CMC1: variants seen among roughly 807,000 people sequenced by gnomAD.
The protein encoded by CMC1 is C-X9-C motif containing 1.
A neutral mutation model predicts 14.1 loss-of-function variants in CMC1; 14 were observed. That is an observed-to-expected ratio of 0.99 (90% CI 0.66 to 1.55). CMC1 has a LOEUF of 1.55. CMC1 is among the 40% of genes most tolerant of loss of function. CMC1 has a pLI of 0.00. For synonymous variants in CMC1, 50 were observed against 38.4 expected (o/e 1.30, Z -1.12); for missense variants, 127 against 123.8 (o/e 1.03, Z -0.12).
chr3:28,305,262 C>T (rs944799806), intron 2 of CMC1, among the ~76,000 whole-genome samples: 65 of 152,098 alleles, frequency 4.3e-4, no homozygotes, highest in African/African-American at 1.4e-3. Flanking sequence ...GATGTGTTTT[C>T]GTTTTTATGG....
intron 2 of CMC1, among the ~76,000 whole-genome samples, chr3:28,280,525 C>T (rs1164731243): frequency 6.6e-6 from 1 of 152,102 alleles, no homozygotes; most frequent in African/African-American, 2.4e-5. Context: ...GGTATTTACA[C>T]TGCTGGCCAG....
At position 28,306,967 on chromosome 3, in the gene CMC1, CACCAATG is replaced by C. The variant is rs1702350149; in HGVS notation, c.110-9363_110-9357del. 2.0e-5 allele frequency among the ~76,000 whole-genome samples: 3 copies of C among 152,134 alleles called. No homozygotes were observed. In the South Asian group the frequency reaches 6.2e-4, roughly 31 times the overall value. ...AGCCAAAATGAAATATTTTTAAAAA[CACCAATG>C]ACTCATAATTTTGTTGAAGTTAAGA... On this transcript the variant is annotated intron_variant, in intron 2 of 3. Coordinates refer to ENST00000466830, the MANE Select transcript of CMC1 (RefSeq NM_182523.2).
At chr3:28,276,875 G>C (rs1430827956) in intron 2 of CMC1, among the ~76,000 whole-genome samples, 1 of 152,212 alleles carries the variant, frequency 6.6e-6, no homozygotes, top group Non-Finnish European at 1.5e-5. Flanking sequence ...GTTTTTGAGG[G>C]TCTGGGGACA....
At chr3:28,285,368 G>C (rs62252071) in intron 2 of CMC1, among the ~76,000 whole-genome samples, 77,205 of 151,684 alleles carry the variant, frequency 0.51, 20,036 homozygotes, top group Admixed American at 0.55. Context: ...ATTGTAGTAT[G>C]AGATAAAGAG....
chr3:28,282,390 T>C (rs1700945864), intron 2 of CMC1, among the ~76,000 whole-genome samples: 1 of 152,248 alleles, frequency 6.6e-6, no homozygotes, highest in Admixed American at 6.5e-5. Context: ...AATGTAGTCC[T>C]ACAGAGATAA....
chr3:28,290,781 A>T (rs1300497158), intron 2 of CMC1, among the ~76,000 whole-genome samples: 1 of 152,048 alleles, frequency 6.6e-6, no homozygotes, highest in Non-Finnish European at 1.5e-5. Flanking sequence ...TTAACATTTG[A>T]TGGTATTTAC....
At chr3:28,275,662 G>A (rs1415796722) in intron 2 of CMC1, among the ~76,000 whole-genome samples, 1 of 152,122 alleles carries the variant, frequency 6.6e-6, no homozygotes, top group Non-Finnish European at 1.5e-5. Context: ...GTGCTGCTCT[G>A]GTGGGAATCC....
At chr3:28,251,009 C>G (rs1218938809) in intron 1 of CMC1, among the ~76,000 whole-genome samples, 1 of 152,170 alleles carries the variant, frequency 6.6e-6, no homozygotes, top group Non-Finnish European at 1.5e-5. Context: ...TAACCAGAGA[C>G]AGTCTGGTGA....
intron 1 of CMC1, among the ~76,000 whole-genome samples, chr3:28,259,891 CAT>C (rs1484711489): frequency 6.6e-6 from 1 of 151,622 alleles, no homozygotes; most frequent in Non-Finnish European, 1.5e-5. Flanking sequence ...AATTTTATAC[CAT>C]GTTTCTTTTT....
Position 28,319,286 on chromosome 3 carries a change from C to T in CMC1, c.201-223C>T, listed in dbSNP as rs773850384. The stretch of plus-strand genomic sequence containing the variant: ...GTGGGTTCCCAGGACAGGAGCTGTG[C>T]TTCTCATTGCTCTATTCTGTGACAG... On this transcript the variant is annotated intron_variant, in intron 3 of 3. Transcript: ENST00000466830. 38 of 566,364 alleles carry T rather than the reference C, an allele frequency of 6.7e-5. No individual in the cohort carries two copies. The Middle Eastern group carries it at 4.1e-3, about 60-fold the overall frequency. 35.1% of individuals were successfully genotyped at this position (566,364 alleles called of 1,614,324 possible).
At chr3:28,312,834 A>T (rs1366914111) in intron 2 of CMC1, among the ~76,000 whole-genome samples, 1 of 152,134 alleles carries the variant, frequency 6.6e-6, no homozygotes, top group Admixed American at 6.6e-5. Flanking sequence ...CTTGAGCCAA[A>T]TTTAATTATA....
intron 2 of CMC1, among the ~76,000 whole-genome samples, chr3:28,275,719 C>CT (rs889505732): frequency 4.6e-5 from 7 of 152,136 alleles, no homozygotes; most frequent in African/African-American, 1.7e-4. Flanking sequence ...AGGGGAAAGA[C>CT]TAAGTCTGCT....
chr3:28,254,974 A>G (rs1404266055), intron 1 of CMC1, among the ~76,000 whole-genome samples: 1 of 152,090 alleles, frequency 6.6e-6, no homozygotes, highest in African/African-American at 2.4e-5. Flanking sequence ...TCAGCTTTCC[A>G]CTCTACAAGA....
intron 2 of CMC1, among the ~76,000 whole-genome samples, chr3:28,289,621 G>A (rs767164687): frequency 7.9e-5 from 12 of 151,976 alleles, no homozygotes; most frequent in Non-Finnish European, 1.3e-4. Flanking sequence ...GAAACTTAAC[G>A]TTAGATGAAG....
chr3:28,319,770 C>A lies in CMC1; in HGVS notation c.*141C>A. The stretch of plus-strand genomic sequence containing the variant: ...TTTATCTGAAATAAATATTTTATTT[C>A]AAAGTTTTGGTTTCTTAAATGGGAA... On this transcript the variant is annotated 3_prime_UTR_variant, in exon 4 of 4. Transcript: ENST00000466830. The A allele has an allele frequency of 4.0e-6, 3 of 758,414 alleles. No homozygotes were observed. Among genetic ancestry groups the A allele is most frequent in the Non-Finnish European group, 5.9e-6 (3 of 508,682 alleles). The allele number at this position is 758,414 out of a possible 1,614,324, so 47.0% of individuals were successfully genotyped here.
chr3:28,270,920 C>CTTTTTTTTTTTTTTTTT (rs71087680), intron 2 of CMC1, among the ~76,000 whole-genome samples: 5 of 83,738 alleles, frequency 6.0e-5, no homozygotes, highest in African/African-American at 1.0e-4. Flanking sequence ...GAGTTAATTT[C>CTTTTTTTTTTTTTTTTT]TTTTTTTTTT....
intron 2 of CMC1, among the ~76,000 whole-genome samples, chr3:28,291,599 G>A (rs1424799962): frequency 5.3e-5 from 8 of 152,142 alleles, no homozygotes; most frequent in Admixed American, 5.2e-4. Context: ...CTAATAGAGT[G>A]TGACATTTGA....
chr3:28,297,035 C>T (rs1277598666), intron 2 of CMC1: 5 of 152,022 alleles, frequency 3.3e-5, no homozygotes, highest in African/African-American at 1.2e-4. Context: ...TTCTTGCCAT[C>T]TTTCCAGAAT....
intron 1 of CMC1, among the ~76,000 whole-genome samples, chr3:28,257,604 C>T (rs1336739929): frequency 5.9e-5 from 9 of 152,190 alleles, no homozygotes; most frequent in South Asian, 4.1e-4. Context: ...CTGCAACCTC[C>T]GCCTCCTGGG....
Sources: allele counts gnomAD v4.1 joint callset (sites outside exome capture counted in the v4.1 genomes callset), GRCh38; gene constraint gnomAD v4.1.1; transcripts MANE v1.5; gene names NCBI Gene and HGNC (gene_info 2026-07-23, HGNC 2026-07-21).